ZMYM2: variants seen among roughly 807,000 people sequenced by gnomAD.
The protein encoded by ZMYM2 is zinc finger MYM-type containing 2, also known as zinc finger MYM-type protein 2.
Under a neutral mutation model 162.8 loss-of-function variants are expected in ZMYM2, and 56 were observed. That is an observed-to-expected ratio of 0.34 (90% confidence interval 0.28 to 0.43). The LOEUF (loss-of-function observed/expected upper bound fraction) is 0.43, where lower values mean the gene tolerates loss of function less well. Among genes scored for constraint, ZMYM2 ranks in the 20% least tolerant of loss-of-function variants. The pLI, the probability that ZMYM2 is intolerant of heterozygous loss-of-function variation, is 1.00. For missense variants in ZMYM2, 1,275 were observed against 1,621.8 expected, an observed-to-expected ratio of 0.79 and a Z score of 3.67; for synonymous variants, 510 against 541.6, an observed-to-expected ratio of 0.94 and a Z score of 0.81.
chr13:20,045,049 C>CAAAAAAAAAAA (rs933854935), intron 12 of ZMYM2, among the ~76,000 whole-genome samples: 1 of 47,458 alleles, frequency 2.1e-5, no homozygotes, highest in Non-Finnish European at 4.3e-5. Context: ...GACTCTGTGT[C>CAAAAAAAAAAA]AAAAAAAAAA....
chr13:20,046,581 A>C (rs28656055), intron 12 of ZMYM2, among the ~76,000 whole-genome samples: 41 of 117,512 alleles, frequency 3.5e-4, no homozygotes, highest in Admixed American at 1.5e-3. Context: ...ATATATATAT[A>C]TGTGTGTGTG....
chr13:19,911,044 CTTTTTTTTTTT>C, the ZMYM2 span, among the ~76,000 whole-genome samples: 4 of 89,286 alleles, frequency 4.5e-5, no homozygotes, highest in African/African-American at 1.4e-4. Flanking sequence ...AGTTCCCAGT[CTTTTTTTTTTT>C]TTTTTTTTTT....
chr13:20,003,258 G>T, intron 4 of ZMYM2, 123 bp downstream of exon 4: 1 of 1,154,010 alleles, frequency 8.7e-7, no homozygotes, highest in Non-Finnish European at 1.2e-6. Flanking sequence ...GTGGCATATG[G>T]ATAAAAGGCT....
chr13:20,034,967 A>T (rs1953545561), intron 11 of ZMYM2, among the ~76,000 whole-genome samples: 1 of 152,220 alleles, frequency 6.6e-6, no homozygotes, highest in South Asian at 2.1e-4. Flanking sequence ...CAAATTCTAA[A>T]TCTACTTATC....
intron 2 of ZMYM2, among the ~76,000 whole-genome samples, chr13:19,992,780 T>C (rs879631543): frequency 6.6e-6 from 1 of 151,986 alleles, no homozygotes; most frequent in Non-Finnish European, 1.5e-5. Flanking sequence ...GTGGTGGTGG[T>C]GGTAGGAATA....
intron 12 of ZMYM2, 38 bp from the exon 13 acceptor site, chr13:20,051,395 T>C (rs1261705883): frequency 2.5e-6 from 4 of 1,592,596 alleles, no homozygotes; most frequent in Non-Finnish European, 3.4e-6. Context: ...TCTTCAAAAA[T>C]AATTTGCAAT....
At chr13:19,904,831 C>A in the ZMYM2 span, among the ~76,000 whole-genome samples, 1 of 152,062 alleles carries the variant, frequency 6.6e-6, no homozygotes, top group Non-Finnish European at 1.5e-5. Flanking sequence ...ATAATGTTTT[C>A]AAGTCTCACC....
the ZMYM2 span, among the ~76,000 whole-genome samples, chr13:19,887,689 G>T: frequency 6.6e-6 from 1 of 151,852 alleles, no homozygotes; most frequent in African/African-American, 2.4e-5. Flanking sequence ...CTTTATTTAA[G>T]TTATTGAAAT....
chr13:20,088,098 T>A lies in ZMYM2; in HGVS notation c.*2084T>A, dbSNP rs1958373630. 5.0e-6 allele frequency: 1 copy of A among 199,880 alleles called. No homozygotes were observed. The highest frequency in any genetic ancestry group is 1.0e-5 in the Non-Finnish European group (1 of 96,770). 12.4% of individuals were successfully genotyped at this position (199,880 alleles called of 1,614,324 possible). A position where few individuals can be genotyped will look rare whatever the true frequency, so the allele number is the denominator to read the frequency against. On this transcript the variant is annotated 3_prime_UTR_variant, in exon 25 of 25. Coordinates refer to ENST00000610343, the MANE Select transcript of ZMYM2 (RefSeq NM_197968.4). ...TATTTACAGTTTCTTCATTTGTATA[T>A]TTTTAGCTTTTCTAAGTGGAAATGT...
the ZMYM2 span, among the ~76,000 whole-genome samples, chr13:19,941,170 GT>G: frequency 2.0e-5 from 3 of 152,084 alleles, no homozygotes; most frequent in Admixed American, 6.6e-5. Flanking sequence ...TTAGCTGGGT[GT>G]TGTGGTTTGT....
At chr13:19,888,836 T>C in the ZMYM2 span, among the ~76,000 whole-genome samples, 1 of 151,748 alleles carries the variant, frequency 6.6e-6, no homozygotes. Context: ...TGACCTGGAG[T>C]GATCCACCCG....
chr13:20,026,087 G>C (rs1489172173), intron 7 of ZMYM2: 3 of 151,902 alleles, frequency 2.0e-5, no homozygotes, highest in Non-Finnish European at 2.9e-5. Context: ...TTTTATTGTG[G>C]TTTAATGAGA....
At chr13:19,916,051 T>C in the ZMYM2 span, among the ~76,000 whole-genome samples, 146,977 of 151,858 alleles carry the variant, frequency 0.97, 71,157 homozygotes, top group East Asian at 1. Context: ...TTAGCAGAGA[T>C]GAGGTTTCAC....
At chr13:19,965,126 G>A in intron 2 of ZMYM2, 5 of 587,888 alleles carry the variant, frequency 8.5e-6, no homozygotes, top group South Asian at 4.4e-5. Context: ...GCTATTCTAA[G>A]TAACATTGGG....
the ZMYM2 span, among the ~76,000 whole-genome samples, chr13:19,865,869 T>C: frequency 1.3e-5 from 2 of 152,196 alleles, no homozygotes; most frequent in Non-Finnish European, 2.9e-5. Context: ...CTTTTGATAA[T>C]TCAGGACTCC....
chr13:19,980,569 T>A (rs1205090488), intron 2 of ZMYM2, among the ~76,000 whole-genome samples: 2 of 151,890 alleles, frequency 1.3e-5, no homozygotes, highest in Admixed American at 6.6e-5. Context: ...CTGGCCAACA[T>A]GGTGAAACCC....
rs1434822735 is a variant in ZMYM2, at chr13:20,036,614, T to G, written c.2120-123T>G. ...CTAATTTTTATAGGTTGATATTGAT[T>G]ACAGTAGATTTTATAGTTTTGATCA... On this transcript the variant is annotated intron_variant, in intron 11 of 24. Coordinates refer to ENST00000610343, the MANE Select transcript of ZMYM2 (RefSeq NM_197968.4). 7 of 671,424 alleles carry G rather than the reference T, an allele frequency of 1.0e-5. No homozygotes were observed. The East Asian group carries it at 1.9e-4, about 19-fold the overall frequency. The allele number at this position is 671,424 out of a possible 1,614,324, so 41.6% of individuals were successfully genotyped here. A position where few individuals can be genotyped will look rare whatever the true frequency, so the allele number is the denominator to read the frequency against.
chr13:19,893,576 A>G, the ZMYM2 span, among the ~76,000 whole-genome samples: 1 of 151,738 alleles, frequency 6.6e-6, no homozygotes, highest in African/African-American at 2.4e-5. Context: ...CATCTCTGCT[A>G]AAAATACAAA....
At chr13:19,883,051 A>G in the ZMYM2 span, among the ~76,000 whole-genome samples, 41 of 152,346 alleles carry the variant, frequency 2.7e-4, no homozygotes, top group African/African-American at 7.5e-4. Flanking sequence ...CTATACATAC[A>G]ATGGAATATT....
Sources: allele counts gnomAD v4.1 joint callset (sites outside exome capture counted in the v4.1 genomes callset), GRCh38; gene constraint gnomAD v4.1.1; transcripts MANE v1.5; gene names NCBI Gene and HGNC (gene_info 2026-07-23, HGNC 2026-07-21).